FANK1: variants seen among roughly 807,000 people sequenced by gnomAD.
FANK1 encodes fibronectin type III and ankyrin repeat domains 1.
Under a neutral mutation model 45.3 loss-of-function variants are expected in FANK1, and 44 were observed. The ratio of observed to expected loss-of-function variants is 0.97; its 90% CI spans 0.76 to 1.25. The LOEUF (loss-of-function observed/expected upper bound fraction) is 1.25, where lower values mean the gene tolerates loss of function less well. Ranked by LOEUF, FANK1 falls within the 50% of genes most tolerant of loss-of-function variation. FANK1 has a pLI of 0.00. For synonymous variants in FANK1, 149 were observed against 152.5 expected (o/e 0.98, Z 0.17); for missense variants, 391 against 424.4 (o/e 0.92, Z 0.69).
intron 1 of FANK1, among the ~76,000 whole-genome samples, chr10:125,971,302 A>G (rs1395764777): frequency 6.6e-6 from 1 of 151,888 alleles, no homozygotes; most frequent in African/African-American, 2.4e-5. Context: ...ACATCAGTCA[A>G]ACTCTCTGCC....
intron 1 of FANK1, among the ~76,000 whole-genome samples, chr10:125,900,575 A>G (rs1944945421): frequency 6.6e-6 from 1 of 151,940 alleles, no homozygotes; most frequent in Non-Finnish European, 1.5e-5. Flanking sequence ...TGCTATATAT[A>G]TGTATTTTAA....
rs185152464 is a variant in FANK1 at position 125,953,339 on chromosome 10, A to G, written c.14-26822A>G. On this transcript the variant is annotated intron_variant, in intron 1 of 10. Coordinates refer to ENST00000368693, the MANE Select transcript of FANK1 (RefSeq NM_145235.5). ...CCCCCTAGATCCATGTCACTAGTCT[A>G]GTCTGAATGACTGTCTAGGGATTTC... is the stretch of plus-strand genomic sequence containing the variant. 3.8e-3 allele frequency among the ~76,000 whole-genome samples: 586 copies of G among 152,270 alleles called. 2 individuals carry two copies. Among genetic ancestry groups the G allele is most frequent in the Non-Finnish European group, 5.9e-3 (402 of 68,024 alleles).
At chr10:125,953,210 C>G (rs1024907324) in intron 1 of FANK1, among the ~76,000 whole-genome samples, 5 of 152,158 alleles carry the variant, frequency 3.3e-5, no homozygotes, top group African/African-American at 1.2e-4. Context: ...GCCCCCCTGC[C>G]AGGGCTCACT....
At chr10:125,919,223 T>TTTTTTTTTTTG (rs1428791696) in intron 1 of FANK1, among the ~76,000 whole-genome samples, 1 of 133,278 alleles carries the variant, frequency 7.5e-6, no homozygotes, top group African/African-American at 3.0e-5. Context: ...TTTTTTTTTT[T>TTTTTTTTTTTG]GTGACAGAGT....
intron 1 of FANK1, among the ~76,000 whole-genome samples, chr10:125,908,773 TA>T (rs1189806986): frequency 6.6e-6 from 1 of 151,810 alleles, no homozygotes. Flanking sequence ...TTAAAAAAAG[TA>T]AAAAAACCAC....
chr10:125,948,415 A>G (rs1166724799), intron 1 of FANK1, among the ~76,000 whole-genome samples: 3 of 152,204 alleles, frequency 2.0e-5, no homozygotes, highest in Non-Finnish European at 4.4e-5. Flanking sequence ...ACACAATAAA[A>G]AATAATAAAG....
intron 1 of FANK1, among the ~76,000 whole-genome samples, chr10:125,962,590 A>G (rs1243338499): frequency 1.3e-5 from 2 of 152,112 alleles, no homozygotes; most frequent in African/African-American, 2.4e-5. Context: ...TCTGCCGAGT[A>G]TAACCTGCTG....
intron 7 of FANK1, among the ~76,000 whole-genome samples, chr10:126,005,694 T>C (rs1953144350): frequency 6.6e-6 from 1 of 152,238 alleles, no homozygotes; most frequent in Non-Finnish European, 1.5e-5. Context: ...TACCAGATAT[T>C]ATTTCAAATG....
chr10:126,007,765 G>A lies in FANK1; in HGVS notation c.706-642G>A, dbSNP rs564785173. Among the ~76,000 whole-genome samples the A allele has an allele frequency of 2.0e-5, 3 of 152,278 alleles. No homozygotes were observed. In the East Asian group the frequency reaches 5.8e-4, roughly 29 times the overall value. ...TCAGCACCACTCTTCATGGATTGGC[G>A]ATGTCTTCATTGGAATTGGAAGCGA... On this transcript the variant is annotated intron_variant, in intron 7 of 10. Coordinates refer to ENST00000368693, the MANE Select transcript of FANK1 (RefSeq NM_145235.5).
intron 1 of FANK1, among the ~76,000 whole-genome samples, chr10:125,950,014 G>GTAA (rs1564904319): frequency 2.4e-5 from 3 of 125,084 alleles, no homozygotes; most frequent in Non-Finnish European, 3.5e-5. Flanking sequence ...AAGCAATGGG[G>GTAA]AAAGGATTCC....
At chr10:125,970,116 GC>G (rs980025299) in intron 1 of FANK1, among the ~76,000 whole-genome samples, 7 of 152,294 alleles carry the variant, frequency 4.6e-5, no homozygotes, top group Admixed American at 3.9e-4. Context: ...CGTCATCATG[GC>G]CCGTTCTCAA....
chr10:126,007,269 A>G (rs1306833233), intron 7 of FANK1: 1 of 152,242 alleles, frequency 6.6e-6, no homozygotes, highest in East Asian at 1.9e-4. Context: ...ATCTCAGGAA[A>G]GGCACTTCTC....
intron 1 of FANK1, among the ~76,000 whole-genome samples, chr10:125,918,924 A>G (rs1343833805): frequency 6.6e-6 from 1 of 152,020 alleles, no homozygotes; most frequent in Non-Finnish European, 1.5e-5. Context: ...TTGAATAGAG[A>G]CCAACTAAAG....
intron 2 of FANK1, among the ~76,000 whole-genome samples, chr10:125,988,292 C>T (rs928739498): frequency 6.6e-6 from 1 of 152,176 alleles, no homozygotes; most frequent in Non-Finnish European, 1.5e-5. Context: ...GTGATTATTT[C>T]TCCAAAGTAC....
chr10:125,920,801 A>T (rs1323047321), intron 1 of FANK1, among the ~76,000 whole-genome samples: 1 of 152,170 alleles, frequency 6.6e-6, no homozygotes. Context: ...ATATGAGTTT[A>T]TATCTCTAAA....
At chr10:125,942,294 T>C (rs757724153) in intron 1 of FANK1, among the ~76,000 whole-genome samples, 2 of 152,196 alleles carry the variant, frequency 1.3e-5, no homozygotes, top group African/African-American at 4.8e-5. Flanking sequence ...AAATTTATTC[T>C]CGATGGATTG....
chr10:125,994,933 A>T, intron 3 of FANK1: 1 of 985,204 alleles, frequency 1.0e-6, no homozygotes, highest in Non-Finnish European at 1.2e-6. Flanking sequence ...TTCTGCCCCC[A>T]GAAGCTCAGA....
At chr10:125,915,012 C>T (rs1468716845) in intron 1 of FANK1, among the ~76,000 whole-genome samples, 2 of 152,116 alleles carry the variant, frequency 1.3e-5, no homozygotes, top group Non-Finnish European at 2.9e-5. Flanking sequence ...TCCAGCACTC[C>T]TATTCCTTGA....
chr10:125,918,786 A>G (rs981061392), intron 1 of FANK1, among the ~76,000 whole-genome samples: 1 of 151,624 alleles, frequency 6.6e-6, no homozygotes, highest in African/African-American at 2.4e-5. Flanking sequence ...TATTTATTTG[A>G]AGTCTTACAT....
Sources: gnomAD v4.1 joint callset for allele counts (sites outside exome capture counted in the v4.1 genomes callset) on GRCh38, gnomAD v4.1.1 for gene constraint, MANE v1.5 for transcripts, NCBI Gene and HGNC (gene_info 2026-07-23, HGNC 2026-07-21) for gene names.